The following PDE1B variants were observed in gnomAD, a reference collection of about 807,000 sequenced individuals.
PDE1B encodes the protein dual specificity calcium/calmodulin-dependent 3',5'-cyclic nucleotide phosphodiesterase 1B.
In PDE1B, 13 loss-of-function variants were observed where a neutral mutation model predicts 66.7. That is an observed-to-expected ratio of 0.19 (90% CI 0.13 to 0.31). PDE1B has a LOEUF of 0.31. PDE1B is among the 10% of genes least tolerant of loss of function. PDE1B has a pLI of 1.00. For missense variants in PDE1B, 485 were observed against 682.3 expected (o/e 0.71, Z 3.22); for synonymous variants, 230 against 253.9 (o/e 0.91, Z 0.90).
At chr12:54,565,917 A>T (rs1056248320) in intron 2 of PDE1B, among the ~76,000 whole-genome samples, 1 of 152,082 alleles carries the variant, frequency 6.6e-6, no homozygotes, top group Non-Finnish European at 1.5e-5. Flanking sequence ...TCCCTGACTC[A>T]TAGGGTGACC....
In PDE1B at chr12:54,575,783, G is replaced by C. The variant is rs1486005710; in HGVS notation, c.1267+151G>C. On this transcript the variant is annotated intron_variant, in intron 12 of 15. Transcript: ENST00000243052. The surrounding 1 kb of genome is among the most constrained non-coding windows in gnomAD (Gnocchi z 4.0). ...AGAGCATGGGGTCCTGGGTTAGGAG[G>C]CCAGGGGGCTGCAATGGCAGGAAGG... 1 of 732,746 alleles carries C rather than the reference G, an allele frequency of 1.4e-6. No individual in the cohort carries two copies. Among genetic ancestry groups the C allele is most frequent in the Admixed American group, 2.1e-5 (1 of 48,530 alleles). The allele number at this position is 732,746 out of a possible 1,614,324, so 45.4% of individuals were successfully genotyped here. A position where few individuals can be genotyped will look rare whatever the true frequency, so the allele number is the denominator to read the frequency against.
chr12:54,569,383 C>A lies in PDE1B; in HGVS notation c.410+17C>A. ...CGTGGAACGGTGAGGCTCGCCCACACTCAGCCTCCCTCTGCCTTTAGCTGT... is the reference window on the plus strand; with the variant it reads ...CGTGGAACGGTGAGGCTCGCCCACAATCAGCCTCCCTCTGCCTTTAGCTGT... On this transcript the variant is annotated intron_variant, in intron 4 of 15. Coordinates refer to ENST00000243052, the MANE Select transcript of PDE1B (RefSeq NM_000924.4). This position sits in a 1 kb window ranked among gnomAD's most constrained non-coding sequence, Gnocchi z 4.4. The A allele has an allele frequency of 1.3e-6, 2 of 1,594,092 alleles. No individual in the cohort carries two copies. The highest frequency in any genetic ancestry group is 1.7e-6 in the Non-Finnish European group (2 of 1,167,476).
At chr12:54,561,627 C>G (rs574948892) in intron 2 of PDE1B, 1 of 1,532,882 alleles carries the variant, frequency 6.5e-7, no homozygotes. Context: ...CCTCCAGGGC[C>G]CCATTCTCAG....
In PDE1B at chr12:54,549,647, G is replaced by T; in HGVS notation, c.-139G>T. 2.1e-6 allele frequency: 1 copy of T among 481,938 alleles called. No individual in the cohort carries two copies. The highest frequency in any genetic ancestry group is 3.7e-6 in the Non-Finnish European group (1 of 273,802). The allele number at this position is 481,938 out of a possible 1,614,324, so 29.9% of individuals were successfully genotyped here. A position where few individuals can be genotyped will look rare whatever the true frequency, so the allele number is the denominator to read the frequency against. ...TAGCGGCAGCAGCAGCGGCGGTGCG[G>T]AGAGCTTGGACTGGGAGCCCAAAGC... is the stretch of plus-strand genomic sequence containing the variant. On this transcript the variant is annotated 5_prime_UTR_variant, in exon 1 of 16. Transcript: ENST00000243052.
intron 14 of PDE1B, 196 bp from the exon 15 acceptor site, chr12:54,577,029 G>T: frequency 1.6e-6 from 1 of 617,816 alleles, no homozygotes; most frequent in South Asian, 2.0e-5. Flanking sequence ...GTGTGAGGGG[G>T]TGGTAGGGTG....
Position 54,575,172 on chromosome 12 carries a change from T to G in PDE1B, c.1139T>G (p.Val380Gly). 2 of 1,612,460 alleles carry G rather than the reference T, an allele frequency of 1.2e-6. No individual in the cohort carries two copies. The highest frequency in any genetic ancestry group is 1.7e-6 in the Non-Finnish European group (2 of 1,178,658). The stretch of plus-strand genomic sequence containing the variant: ...AGCCACCCAACCAAGCAGTGGTTGG[T>G]CCACAGCCGTTGGACCAAGGCCCTC... ...DISHPTKQWLVHSRWTKALME... is the reference protein window; with the variant it reads ...DISHPTKQWLGHSRWTKALME... Residue 380 changes from valine (V) to glycine (G), a missense_variant, in exon 11 of 16, where the codon GTC (valine) becomes GGC (glycine). By Grantham distance (109) the Val-to-Gly change is moderately radical (BLOSUM62 -3). Around this residue, in one of 4 missense-constraint regions of PDE1B, gnomAD observed 282 missense variants for 453.4 expected, o/e 0.62. Coordinates refer to ENST00000243052, the MANE Select transcript of PDE1B (RefSeq NM_000924.4). The surrounding 1 kb of genome is among the most constrained non-coding windows in gnomAD (Gnocchi z 4.0).
intron 15 of PDE1B, 177 bp downstream of exon 15, chr12:54,577,522 C>A: frequency 6.4e-7 from 1 of 1,571,736 alleles, no homozygotes; most frequent in Non-Finnish European, 8.6e-7. Context: ...AATCCTCCCA[C>A]GCTCTTCTGT....
Position 54,569,391 on chromosome 12 carries a change from C to T in PDE1B, c.410+25C>T. On this transcript the variant is annotated intron_variant, in intron 4 of 15. Coordinates refer to ENST00000243052, the MANE Select transcript of PDE1B (RefSeq NM_000924.4). This position sits in a 1 kb window ranked among gnomAD's most constrained non-coding sequence, Gnocchi z 4.4. ...GGTGAGGCTCGCCCACACTCAGCCT[C>T]CCTCTGCCTTTAGCTGTGCCCCTCT... The T allele has an allele frequency of 6.3e-7, 1 of 1,593,702 alleles. No homozygotes were observed. The highest frequency in any genetic ancestry group is 8.6e-7 in the Non-Finnish European group (1 of 1,167,348).
Position 54,573,279 on chromosome 12 carries a change from G to A in PDE1B, c.836+31G>A, listed in dbSNP as rs749926429. ...GGGTGGGGATGTGGCAGGGGCAGGA[G>A]GGGCCAAGAGGAGGTGGGGAGGTTG... On this transcript the variant is annotated intron_variant, in intron 8 of 15. Transcript: ENST00000243052. The surrounding 1 kb of genome is among the most constrained non-coding windows in gnomAD (Gnocchi z 5.2). 2 of 1,612,524 alleles carry A rather than the reference G, an allele frequency of 1.2e-6. No individual in the cohort carries two copies. The highest frequency in any genetic ancestry group is 2.2e-5 in the South Asian group (2 of 91,040).
At chr12:54,572,262 C>G (rs1016667248) in intron 6 of PDE1B, 3 of 193,120 alleles carry the variant, frequency 1.6e-5, no homozygotes, top group African/African-American at 7.0e-5. Context: ...AGCTTTCTTT[C>G]ATTTTCTTTG....
chr12:54,555,796 C>T (rs879609802), intron 2 of PDE1B, among the ~76,000 whole-genome samples: 14 of 152,262 alleles, frequency 9.2e-5, no homozygotes, highest in African/African-American at 1.9e-4. Context: ...GGTTCTCTTT[C>T]GCTATGAGGC....
chr12:54,552,573 T>A (rs180941533), intron 2 of PDE1B, among the ~76,000 whole-genome samples: 7 of 152,342 alleles, frequency 4.6e-5, no homozygotes, highest in African/African-American at 1.4e-4. Flanking sequence ...CACACTAATA[T>A]AATAGTGCAG....
intron 10 of PDE1B, chr12:54,574,036 T>A: frequency 3.2e-6 from 1 of 316,904 alleles, no homozygotes; most frequent in Non-Finnish European, 5.9e-6. Flanking sequence ...GAAAATTCAT[T>A]CAACCCTTCT....
At chr12:54,555,213 G>A (rs1271315377) in intron 2 of PDE1B, among the ~76,000 whole-genome samples, 1 of 152,240 alleles carries the variant, frequency 6.6e-6, no homozygotes, top group Non-Finnish European at 1.5e-5. Context: ...CATGGTGAGT[G>A]TGGGAAGCCC....
Position 54,569,126 on chromosome 12 carries a change from T to C in PDE1B, c.228-58T>C. The C allele has an allele frequency of 6.4e-7, 1 of 1,550,418 alleles. No individual in the cohort carries two copies. The highest frequency in any genetic ancestry group is 8.7e-7 in the Non-Finnish European group (1 of 1,144,732). On this transcript the variant is annotated intron_variant, in intron 3 of 15. Coordinates refer to ENST00000243052, the MANE Select transcript of PDE1B (RefSeq NM_000924.4). The surrounding 1 kb of genome is among the most constrained non-coding windows in gnomAD (Gnocchi z 4.4). Reference sequence around the variant, plus strand: ...GTGGGGTATGGCTGGGTACAGGGTCTCTAGGCTGTGGAAGCACCTGCTGTC... The same window carrying C: ...GTGGGGTATGGCTGGGTACAGGGTCCCTAGGCTGTGGAAGCACCTGCTGTC...
chr12:54,572,697 G>A lies in PDE1B; in HGVS notation c.691G>A (p.Val231Ile). ...PYHNQIHAAD[V>I]TQTVHCFLLR... Reference sequence around the variant, plus strand: ...CCACAACCAGATCCACGCAGCCGATGTTACCCAGACAGTCCATTGCTTCTT... The same window carrying A: ...CCACAACCAGATCCACGCAGCCGATATTACCCAGACAGTCCATTGCTTCTT... Residue 231 changes from valine to isoleucine, a missense_variant, in exon 7 of 16, where the codon GTT becomes ATT. Around this residue, in one of 4 missense-constraint regions of PDE1B, gnomAD observed 282 missense variants for 453.4 expected, o/e 0.62. Transcript: ENST00000243052. 2 of 1,614,216 alleles carry A rather than the reference G, an allele frequency of 1.2e-6. No individual in the cohort carries two copies. The highest frequency in any genetic ancestry group is 2.2e-5 in the South Asian group (2 of 91,074).
At position 54,569,297 on chromosome 12, in the gene PDE1B, G is replaced by A; in HGVS notation, c.341G>A (p.Arg114His). 4 of 1,613,990 alleles carry A rather than the reference G, an allele frequency of 2.5e-6. No individual in the cohort carries two copies. Among genetic ancestry groups the A allele is most frequent in the South Asian group, 1.1e-5 (1 of 91,020 alleles). ...ACCCAGCAGGCCCGGGCCAAAGGCC[G>A]CCGAGCAGAGGAGAAGCCCAAGTTC... is the stretch of plus-strand genomic sequence containing the variant. ...TFTQQARAKG[R>H]RAEEKPKFRS... is the part of the protein sequence containing the mutation. The change falls in exon 4 of 16, where the codon CGC (arginine) becomes CAC (histidine). Residue 114 changes from arginine (R) to histidine (H), a missense_variant. Coordinates refer to ENST00000243052, the MANE Select transcript of PDE1B (RefSeq NM_000924.4). This position sits in a 1 kb window ranked among gnomAD's most constrained non-coding sequence, Gnocchi z 4.4.
intron 10 of PDE1B, chr12:54,574,528 G>A (rs1193911504): frequency 1.3e-5 from 2 of 152,282 alleles, no homozygotes; most frequent in Non-Finnish European, 2.9e-5. Flanking sequence ...AGTGTCACGC[G>A]GCTAACATGT....
Position 54,575,877 on chromosome 12 carries a change from A to ACCTCTC in PDE1B, c.1268-113_1268-108dup. On this transcript the variant is annotated intron_variant, in intron 12 of 15. Transcript: ENST00000243052. The surrounding 1 kb of genome is among the most constrained non-coding windows in gnomAD (Gnocchi z 4.0). ...ATTGGGAAGTTTTCAGCCCCAGGTT[A>ACCTCTC]CCTCTCCATCCTCTTTCATAAGCAG... 1 of 833,106 alleles carries ACCTCTC rather than the reference A, an allele frequency of 1.2e-6. No homozygotes were observed. Among genetic ancestry groups the ACCTCTC allele is most frequent in the Admixed American group, 1.8e-5 (1 of 56,364 alleles). 51.6% of individuals were successfully genotyped at this position (833,106 alleles called of 1,614,324 possible). A position where few individuals can be genotyped will look rare whatever the true frequency, so the allele number is the denominator to read the frequency against.
Sources: gnomAD v4.1 joint callset for allele counts (sites outside exome capture counted in the v4.1 genomes callset) on GRCh38, gnomAD v4.1.1 for gene constraint, gnomAD v4.1.1 regional missense constraint, Gnocchi (gnomAD v3.1) non-coding constraint, MANE v1.5 for transcripts, NCBI Gene and HGNC (gene_info 2026-07-23, HGNC 2026-07-21) for gene names.